RGS7: variants seen among roughly 807,000 people sequenced by gnomAD.
RGS7 encodes regulator of G protein signaling 7, also known as regulator of G-protein signaling 7.
Under a neutral mutation model 81.1 loss-of-function variants are expected in RGS7, and 27 were observed. The ratio of observed to expected loss-of-function variants is 0.33; its 90% confidence interval spans 0.25 to 0.46. RGS7 has a LOEUF of 0.46. Ranked by LOEUF, RGS7 falls within the 20% of genes least tolerant of loss-of-function variation. The pLI is 1.00. For missense variants in RGS7, 396 were observed against 607.4 expected (o/e 0.65, Z 3.66); for synonymous variants, 208 against 207.7 (o/e 1.00, Z -0.01).
At chr1:240,904,627 C>G (rs1670535148) in intron 6 of RGS7, among the ~76,000 whole-genome samples, 1 of 152,100 alleles carries the variant, frequency 6.6e-6, no homozygotes. Flanking sequence ...AGTACTTGTT[C>G]TCTATTTTGA....
At position 240,865,358 on chromosome 1, in the gene RGS7, C is replaced by T. The variant is rs114916326; in HGVS notation, c.609+3229G>A. ...GATATGGACATCTTCTGGTGAGGGG[C>T]GGTATGCAATATCAGGCCCCAGGCC... On this transcript the variant is annotated intron_variant, in intron 9 of 18. Transcript: ENST00000440928. Among the ~76,000 whole-genome samples, 852 of 152,222 alleles carry T rather than the reference C, an allele frequency of 5.6e-3. 5 individuals carry two copies. Among genetic ancestry groups the T allele is most frequent in the African/African-American group, 9.4e-3 (389 of 41,528 alleles).
intron 3 of RGS7, among the ~76,000 whole-genome samples, chr1:241,034,251 G>C (rs965948085): frequency 1.3e-5 from 2 of 152,152 alleles, no homozygotes; most frequent in Admixed American, 1.3e-4. Flanking sequence ...AGCTTGGTCT[G>C]CATATTTGTG....
At chr1:240,964,823 G>A (rs940046864) in intron 4 of RGS7, among the ~76,000 whole-genome samples, 3 of 152,124 alleles carry the variant, frequency 2.0e-5, no homozygotes, top group Non-Finnish European at 2.9e-5. Context: ...CAGAGATGAA[G>A]AGACATCAAA....
At chr1:241,346,296 G>T (rs867354098) in intron 2 of RGS7, among the ~76,000 whole-genome samples, 4 of 14,704 alleles carry the variant, frequency 2.7e-4, no homozygotes, top group African/African-American at 2.9e-4. Context: ...ATCTGTGTTT[G>T]CCATGGTAAA....
At chr1:240,940,339 G>A (rs1478714833) in intron 4 of RGS7, among the ~76,000 whole-genome samples, 3 of 152,150 alleles carry the variant, frequency 2.0e-5, no homozygotes, top group African/African-American at 4.8e-5. Context: ...CTAATAAAAT[G>A]TGTATGATTT....
At chr1:241,236,499 T>A (rs544003104) in intron 2 of RGS7, among the ~76,000 whole-genome samples, 4 of 152,140 alleles carry the variant, frequency 2.6e-5, no homozygotes, top group African/African-American at 4.8e-5. Context: ...TAGTATGGTG[T>A]TTATTTCTTG....
intron 3 of RGS7, among the ~76,000 whole-genome samples, chr1:241,087,978 A>C (rs764450258): frequency 0.04 from 2,277 of 56,908 alleles, 27 homozygotes; most frequent in Non-Finnish European, 0.043. Flanking sequence ...CTCTCTCTCT[A>C]TATATATATA....
At chr1:241,347,607 T>C (rs1038114129) in intron 2 of RGS7, among the ~76,000 whole-genome samples, 6 of 152,184 alleles carry the variant, frequency 3.9e-5, no homozygotes, top group African/African-American at 1.4e-4. Flanking sequence ...ATCTCTGAGA[T>C]GCTATGAAAT....
Position 241,026,921 on chromosome 1 carries a change from C to T in RGS7, c.176-43792G>A, listed in dbSNP as rs888173540. On this transcript the variant is annotated intron_variant, in intron 3 of 18. Coordinates refer to ENST00000440928, the MANE Select transcript of RGS7 (RefSeq NM_001364886.1). ...AGGAATCAAAGGAAAGGGTTTTGTA[C>T]GCGTAAGAAATGGTAAGAGGAGAGG... Among the ~76,000 whole-genome samples the T allele has an allele frequency of 2.0e-4, 30 of 151,048 alleles. No homozygotes were observed. In the East Asian group the frequency reaches 5.1e-3, roughly 26 times the overall value.
At chr1:241,278,477 G>A (rs973987150) in intron 2 of RGS7, among the ~76,000 whole-genome samples, 3 of 152,140 alleles carry the variant, frequency 2.0e-5, no homozygotes, top group Admixed American at 2.0e-4. Flanking sequence ...TGCACGAAGT[G>A]AGTTGTTTCA....
At position 240,923,864 on chromosome 1, in the gene RGS7, A is replaced by G. The variant is rs151252022; in HGVS notation, c.385+6853T>C. Among the ~76,000 whole-genome samples, 476 of 152,302 alleles carry G rather than the reference A, an allele frequency of 3.1e-3. 5 individuals are homozygous for G. The highest frequency in any genetic ancestry group is 0.011 in the African/African-American group (465 of 41,578). On this transcript the variant is annotated intron_variant, in intron 6 of 18. Coordinates refer to ENST00000440928, the MANE Select transcript of RGS7 (RefSeq NM_001364886.1). ...TATCTTAAATTCTCAGTTTTCTAAT[A>G]TTATAGATAATGGAATTATTAATGG...
At chr1:241,262,797 C>G (rs376483446) in intron 2 of RGS7, among the ~76,000 whole-genome samples, 1 of 152,028 alleles carries the variant, frequency 6.6e-6, no homozygotes, top group East Asian at 1.9e-4. Context: ...ATCACAATAC[C>G]TCATCTATTT....
At chr1:241,348,592 C>T (rs1211651546) in intron 2 of RGS7, among the ~76,000 whole-genome samples, 1 of 152,222 alleles carries the variant, frequency 6.6e-6, no homozygotes, top group Non-Finnish European at 1.5e-5. Flanking sequence ...TGTGTTACTT[C>T]TCTGATCCTA....
At chr1:241,312,278 GAGAGAAAC>G (rs1342461720) in intron 2 of RGS7, among the ~76,000 whole-genome samples, 1 of 152,208 alleles carries the variant, frequency 6.6e-6, no homozygotes, top group Non-Finnish European at 1.5e-5. Flanking sequence ...ACATTCTAGT[GAGAGAAAC>G]AGACTACAAA....
intron 18 of RGS7, among the ~76,000 whole-genome samples, chr1:240,783,316 C>G (rs765267182): frequency 6.6e-6 from 1 of 152,130 alleles, no homozygotes; most frequent in Non-Finnish European, 1.5e-5. Flanking sequence ...TAAATTTTAA[C>G]TGACTTTAAA....
intron 18 of RGS7, among the ~76,000 whole-genome samples, chr1:240,783,846 A>G (rs1392149946): frequency 1.3e-5 from 2 of 151,896 alleles, no homozygotes; most frequent in Non-Finnish European, 2.9e-5. Flanking sequence ...TGTTTGCTTT[A>G]GTTACTAAGC....
intron 2 of RGS7, among the ~76,000 whole-genome samples, chr1:241,223,077 A>G (rs1008030922): frequency 3.9e-5 from 6 of 152,142 alleles, no homozygotes; most frequent in African/African-American, 1.2e-4. Flanking sequence ...ATGGACATTT[A>G]AATAACATAT....
rs187610729 is a variant in RGS7 at position 241,061,809 on chromosome 1, A to G, written c.175+36857T>C. 3.3e-5 allele frequency among the ~76,000 whole-genome samples: 5 copies of G among 152,280 alleles called. 1 individual carries two copies. The East Asian group carries it at 7.7e-4, about 24-fold the overall frequency. ...GCTAGACCTCCCAATACTTCCTGCT[A>G]GCCTAGACCATCATCTGTTAGCTCC... On this transcript the variant is annotated intron_variant, in intron 3 of 18. Transcript: ENST00000440928.
chr1:241,014,147 T>G (rs183563762), intron 3 of RGS7, among the ~76,000 whole-genome samples: 2 of 152,350 alleles, frequency 1.3e-5, no homozygotes. Context: ...AGCCTATGTT[T>G]TCATCTTCTT....
Sources: allele counts gnomAD v4.1 joint callset (sites outside exome capture counted in the v4.1 genomes callset), GRCh38; gene constraint gnomAD v4.1.1; transcripts MANE v1.5; gene names NCBI Gene and HGNC (gene_info 2026-07-23, HGNC 2026-07-21).